AGBL4: variants seen among roughly 807,000 people sequenced by gnomAD.
AGBL4 encodes AGBL carboxypeptidase 4.
AGBL4 carries 58 observed loss-of-function variants against 66.4 expected under a neutral mutation model. The observed-to-expected ratio is 0.87, with a 90% CI of 0.71 to 1.09. The LOEUF is 1.09. AGBL4 is among the 50% of genes least tolerant of loss of function. The pLI is 0.00. For missense variants in AGBL4, 579 were observed against 631.0 expected (o/e 0.92, Z 0.88); for synonymous variants, 234 against 222.9 (o/e 1.05, Z -0.44).
At chr1:49,144,468 G>T (rs540393592) in intron 4 of AGBL4, among the ~76,000 whole-genome samples, 1 of 151,348 alleles carries the variant, frequency 6.6e-6, no homozygotes, top group African/African-American at 2.4e-5. Context: ...GGAGGGGAGG[G>T]GAGTCATGCT....
At chr1:49,389,395 T>C (rs966796495) in intron 3 of AGBL4, among the ~76,000 whole-genome samples, 1 of 152,120 alleles carries the variant, frequency 6.6e-6, no homozygotes, top group Non-Finnish European at 1.5e-5. Flanking sequence ...ATTACTTCAT[T>C]TCAAACCTAC....
chr1:48,844,336 A>G (rs1171869355), intron 6 of AGBL4, among the ~76,000 whole-genome samples: 1 of 152,158 alleles, frequency 6.6e-6, no homozygotes, highest in Non-Finnish European at 1.5e-5. Context: ...CTCCACGTGC[A>G]ATCTCTCCTT....
chr1:48,982,884 G>T (rs1206739194), intron 5 of AGBL4, among the ~76,000 whole-genome samples: 1 of 151,978 alleles, frequency 6.6e-6, no homozygotes, highest in East Asian at 1.9e-4. Flanking sequence ...ACTTTTTAAT[G>T]ATTGCCATTC....
rs1284470938 is a variant in AGBL4 at position 48,586,993 on chromosome 1, A to G, written c.1267+11T>C. 6.2e-7 allele frequency: 1 copy of G among 1,609,806 alleles called. No homozygotes were observed. The highest frequency in any genetic ancestry group is 1.7e-5 in the Admixed American group (1 of 59,430). ...AGGGCTGGCCCAAGGCTGGGTGGGG[A>G]CTAAGGATACAGGCTTCTTCAGTGT... On this transcript the variant is annotated intron_variant, in intron 11 of 13. Transcript: ENST00000371839.
At chr1:48,859,540 G>A (rs1647306554) in intron 6 of AGBL4, among the ~76,000 whole-genome samples, 1 of 152,080 alleles carries the variant, frequency 6.6e-6, no homozygotes. Context: ...TTGCACTAAA[G>A]TCTTTGTGTA....
chr1:49,033,507 C>T lies in AGBL4; in HGVS notation c.594+12077G>A, dbSNP rs147132768. Among the ~76,000 whole-genome samples, 121 of 152,228 alleles carry T rather than the reference C, an allele frequency of 7.9e-4. No homozygotes were observed. The Middle Eastern group carries it at 0.01, about 13-fold the overall frequency. ...AGGAGACTAGCTTATTTTGAAGTTA[C>T]CGTGCTGGTCAGAACTGTGCTGGCC... is the stretch of plus-strand genomic sequence containing the variant. On this transcript the variant is annotated intron_variant, in intron 5 of 13. Coordinates refer to ENST00000371839, the MANE Select transcript of AGBL4 (RefSeq NM_032785.4).
chr1:48,975,055 G>T (rs3122289), intron 5 of AGBL4, among the ~76,000 whole-genome samples: 82,385 of 151,844 alleles, frequency 0.54, 22,598 homozygotes, highest in Admixed American at 0.58. Context: ...CATAAATGCT[G>T]TAAAAGACAC....
chr1:49,400,841 C>A (rs1034600035), intron 3 of AGBL4, among the ~76,000 whole-genome samples: 1 of 152,044 alleles, frequency 6.6e-6, no homozygotes, highest in Non-Finnish European at 1.5e-5. Context: ...CCTTTCCAAC[C>A]CTTTATTTCT....
At chr1:49,351,989 T>C (rs991576811) in intron 3 of AGBL4, among the ~76,000 whole-genome samples, 2 of 152,212 alleles carry the variant, frequency 1.3e-5, no homozygotes, top group South Asian at 2.1e-4. Context: ...GATTCCTCTG[T>C]ACTCTTTTTC....
intron 6 of AGBL4, among the ~76,000 whole-genome samples, chr1:48,783,107 A>T (rs1440915542): frequency 2.0e-5 from 3 of 152,060 alleles, no homozygotes; most frequent in African/African-American, 7.2e-5. Context: ...TACATTTTTT[A>T]AATTTTCCTA....
intron 5 of AGBL4, among the ~76,000 whole-genome samples, chr1:49,017,810 C>CAGTA (rs1227126439): frequency 1.3e-5 from 2 of 152,166 alleles, no homozygotes; most frequent in African/African-American, 4.8e-5. Flanking sequence ...GGGGCAGGAG[C>CAGTA]AGTAAATAGA....
At chr1:48,586,335 A>C (rs1644819319) in intron 11 of AGBL4, 1 of 152,262 alleles carries the variant, frequency 6.6e-6, no homozygotes, top group Admixed American at 6.5e-5. Context: ...AGAGGATGAG[A>C]GGGGAAAGAC....
At chr1:49,345,035 A>C (rs1258318862) in intron 3 of AGBL4, among the ~76,000 whole-genome samples, 3 of 152,200 alleles carry the variant, frequency 2.0e-5, no homozygotes, top group African/African-American at 7.2e-5. Context: ...ATTCAAATTA[A>C]GTCTTTTTCT....
At chr1:48,919,182 T>A (rs2148889980) in intron 5 of AGBL4, among the ~76,000 whole-genome samples, 1 of 152,332 alleles carries the variant, frequency 6.6e-6, no homozygotes, top group Non-Finnish European at 1.5e-5. Context: ...TCTGTAGGGA[T>A]GAACTATCTC....
chr1:49,261,516 C>G (rs1393755998), intron 3 of AGBL4, among the ~76,000 whole-genome samples: 1 of 149,430 alleles, frequency 6.7e-6, no homozygotes, highest in Non-Finnish European at 1.5e-5. Context: ...ACACCAATAA[C>G]AGACAAACAG....
chr1:48,890,919 T>C (rs1650883181), intron 5 of AGBL4, among the ~76,000 whole-genome samples: 1 of 152,104 alleles, frequency 6.6e-6, no homozygotes, highest in Admixed American at 6.5e-5. Context: ...TAATCAATAA[T>C]CAGAGAGACA....
chr1:49,921,235 A>G (rs1377111862), intron 1 of AGBL4, among the ~76,000 whole-genome samples: 1 of 152,146 alleles, frequency 6.6e-6, no homozygotes, highest in Non-Finnish European at 1.5e-5. Context: ...AACTCAAAGT[A>G]TAACTTTTAA....
At chr1:48,546,733 C>G (rs1644166508) in intron 11 of AGBL4, among the ~76,000 whole-genome samples, 1 of 152,064 alleles carries the variant, frequency 6.6e-6, no homozygotes, top group Admixed American at 6.6e-5. Flanking sequence ...ATATCATCTA[C>G]TATGTTTATT....
chr1:48,586,959 G>A (rs374238029), intron 11 of AGBL4, 45 bp downstream of exon 11: 13 of 1,605,842 alleles, frequency 8.1e-6, no homozygotes, highest in Middle Eastern at 1.7e-4. Context: ...GGATACTCTC[G>A]GCTGGATGAG....
Sources: allele counts gnomAD v4.1 joint callset (sites outside exome capture counted in the v4.1 genomes callset), GRCh38; gene constraint gnomAD v4.1.1; transcripts MANE v1.5; gene names NCBI Gene and HGNC (gene_info 2026-07-23, HGNC 2026-07-21).